Variants in DNM3 observed in about 807,000 individuals in gnomAD.
The protein encoded by DNM3 is dynamin-3.
Under a neutral mutation model 101.6 loss-of-function variants are expected in DNM3, and 47 were observed. The observed-to-expected ratio is 0.46, with a 90% CI of 0.37 to 0.59. The LOEUF is 0.59. DNM3 is among the 20% of genes least tolerant of loss of function. The pLI is 0.00. For missense variants in DNM3, 849 were observed against 1,085.7 expected, an observed-to-expected ratio of 0.78 and a Z score of 3.06; for synonymous variants, 385 against 387.9, an observed-to-expected ratio of 0.99 and a Z score of 0.09.
chr1:171,843,658 A>G (rs1377065789), intron 1 of DNM3, among the ~76,000 whole-genome samples: 3 of 152,314 alleles, frequency 2.0e-5, no homozygotes, highest in Middle Eastern at 6.8e-3. Context: ...TTTGAACTTA[A>G]TGTCAGTTGT....
chr1:171,956,910 A>T (rs893246884), intron 2 of DNM3, among the ~76,000 whole-genome samples: 1 of 152,176 alleles, frequency 6.6e-6, no homozygotes, highest in African/African-American at 2.4e-5. Context: ...AGCCCAAGCC[A>T]TACCTTGCCC....
intron 15 of DNM3, among the ~76,000 whole-genome samples, chr1:172,279,729 C>T (rs557408235): frequency 1.3e-5 from 2 of 152,240 alleles, no homozygotes; most frequent in East Asian, 3.9e-4. Context: ...TTCTCAGAAA[C>T]ATATGATGGC....
At position 172,093,552 on chromosome 1, in the gene DNM3, C is replaced by T. The variant is rs1220506007; in HGVS notation, c.1545+677C>T. 8.2e-6 allele frequency: 5 copies of T among 608,930 alleles called. No homozygotes were observed. In the East Asian group the frequency reaches 1.5e-4, roughly 18 times the overall value. The allele number at this position is 608,930 out of a possible 1,614,324, so 37.7% of individuals were successfully genotyped here. A position where few individuals can be genotyped will look rare whatever the true frequency, so the allele number is the denominator to read the frequency against. On this transcript the variant is annotated intron_variant, in intron 13 of 20. Transcript: ENST00000627582. ...TGATGGTGTTATAGTTTTTAAAAAA[C>T]TTTCAGAGGTACAATTATTGAACAA...
At chr1:172,250,031 A>G (rs1299464206) in intron 14 of DNM3, among the ~76,000 whole-genome samples, 2 of 152,186 alleles carry the variant, frequency 1.3e-5, no homozygotes, top group Non-Finnish European at 2.9e-5. Context: ...GAGTTGACTG[A>G]ACATTCTAAA....
chr1:172,129,748 T>A (rs1301415587), intron 13 of DNM3, among the ~76,000 whole-genome samples: 1 of 152,064 alleles, frequency 6.6e-6, no homozygotes, highest in East Asian at 1.9e-4. Context: ...CCATGACACA[T>A]GGGAATTGTG....
At chr1:172,056,277 A>C (rs986766509) in intron 10 of DNM3, among the ~76,000 whole-genome samples, 297 of 152,182 alleles carry the variant, frequency 2.0e-3, no homozygotes, top group African/African-American at 6.8e-3. Context: ...GGGGCACCCG[A>C]CATTGCCCAG....
intron 14 of DNM3, among the ~76,000 whole-genome samples, chr1:172,235,309 A>T (rs1435471259): frequency 1.3e-5 from 2 of 152,194 alleles, no homozygotes; most frequent in African/African-American, 4.8e-5. Flanking sequence ...ACCATCTCAC[A>T]CCAGTTAGAA....
chr1:172,054,101 A>G (rs1406720574), intron 10 of DNM3, among the ~76,000 whole-genome samples: 1 of 152,210 alleles, frequency 6.6e-6, no homozygotes, highest in South Asian at 2.1e-4. Flanking sequence ...GTTATAGCAT[A>G]TATACATATA....
chr1:172,061,390 T>C lies in DNM3; in HGVS notation c.1336-7429T>C, dbSNP rs2051186483. On this transcript the variant is annotated intron_variant, in intron 10 of 20. Transcript: ENST00000627582. ...TATAAATCATGCTGCTATAAAGACA[T>C]ATGCACATGTATGTTTATTGCAGCA... Among the ~76,000 whole-genome samples, 3 of 150,292 alleles carry C rather than the reference T, an allele frequency of 2.0e-5. No homozygotes were observed. In the Admixed American group the frequency reaches 2.0e-4, roughly 10 times the overall value.
At chr1:172,397,085 G>T (rs1221771638) in intron 20 of DNM3, 2 of 152,596 alleles carry the variant, frequency 1.3e-5, no homozygotes, top group African/African-American at 4.8e-5. Context: ...GCCTACACCA[G>T]AAAGTCTGCC....
rs1278273402 is a variant in DNM3, at chr1:172,183,916, T to G, written c.1659+52628T>G. Among the ~76,000 whole-genome samples, 8 of 151,320 alleles carry G rather than the reference T, an allele frequency of 5.3e-5. No individual in the cohort carries two copies. The East Asian group carries it at 5.8e-4, about 11-fold the overall frequency. ...AGCCAATACACCTGGCTTCAAAGTT[T>G]TTTTTTTTTTCTAGAGAATCAGCAG... is the stretch of plus-strand genomic sequence containing the variant. On this transcript the variant is annotated intron_variant, in intron 14 of 20. Transcript: ENST00000627582.
chr1:172,107,107 G>A (rs1006585233), intron 13 of DNM3, among the ~76,000 whole-genome samples: 1 of 151,104 alleles, frequency 6.6e-6, no homozygotes, highest in African/African-American at 2.4e-5. Context: ...TGATCCACCC[G>A]CCTCGGCCTC....
chr1:172,032,583 G>C (rs1262906967), intron 5 of DNM3, 83 bp downstream of exon 5: 2 of 849,464 alleles, frequency 2.4e-6, no homozygotes, highest in African/African-American at 3.6e-5. Context: ...TGATTGGGAA[G>C]CCACTAGGAG....
At chr1:172,386,824 A>G (rs959738986) in intron 18 of DNM3, 1 of 315,486 alleles carries the variant, frequency 3.2e-6, no homozygotes, top group Non-Finnish European at 6.1e-6. Flanking sequence ...AGCTCCAGAC[A>G]ATATTGTGAA....
At chr1:171,971,608 A>G (rs1309750047) in intron 2 of DNM3, among the ~76,000 whole-genome samples, 5 of 152,126 alleles carry the variant, frequency 3.3e-5, no homozygotes, top group Non-Finnish European at 7.4e-5. Context: ...GAAAGGATAT[A>G]TTACAGAATG....
At chr1:172,015,339 T>A (rs566138405) in intron 4 of DNM3, among the ~76,000 whole-genome samples, 1 of 152,324 alleles carries the variant, frequency 6.6e-6, no homozygotes, top group East Asian at 1.9e-4. Context: ...TTTCATTGAA[T>A]CTATAGATTA....
At chr1:171,920,193 T>C (rs1385925763) in intron 1 of DNM3, among the ~76,000 whole-genome samples, 1 of 152,190 alleles carries the variant, frequency 6.6e-6, no homozygotes, top group Non-Finnish European at 1.5e-5. Context: ...TTTTTGACTC[T>C]CCATTCCAAA....
In DNM3 at chr1:172,410,144, T is replaced by C. The variant is rs2071125286; in HGVS notation, c.*2303T>C. On this transcript the variant is annotated 3_prime_UTR_variant, in exon 21 of 21. Coordinates refer to ENST00000627582, the MANE Select transcript of DNM3 (RefSeq NM_015569.5). Reference sequence around the variant, plus strand: ...CTACTCTAGAATTTCAGCAGTGACATTGGAGAATATTTTTAATTTGCTGCA... The same window carrying C: ...CTACTCTAGAATTTCAGCAGTGACACTGGAGAATATTTTTAATTTGCTGCA... 4.1e-6 allele frequency: 4 copies of C among 985,322 alleles called. No homozygotes were observed. The highest frequency in any genetic ancestry group is 4.8e-6 in the Non-Finnish European group (4 of 829,854). The allele number at this position is 985,322 out of a possible 1,614,324, so 61.0% of individuals were successfully genotyped here. A position where few individuals can be genotyped will look rare whatever the true frequency, so the allele number is the denominator to read the frequency against.
intron 15 of DNM3, among the ~76,000 whole-genome samples, chr1:172,253,989 C>T (rs527636000): frequency 7.2e-5 from 11 of 151,882 alleles, no homozygotes; most frequent in Non-Finnish European, 8.8e-5. Context: ...TCATCCAGAC[C>T]GGAATACAGT....
Sources: gnomAD v4.1 joint callset for allele counts (sites outside exome capture counted in the v4.1 genomes callset) on GRCh38, gnomAD v4.1.1 for gene constraint, MANE v1.5 for transcripts, NCBI Gene and HGNC (gene_info 2026-07-23, HGNC 2026-07-21) for gene names.